Variants in CHST12 observed in about 807,000 individuals in gnomAD.
The protein encoded by CHST12 is carbohydrate (chondroitin 4) sulfotransferase 12.
In CHST12, 23 loss-of-function variants were observed where a neutral mutation model predicts 27.9. The observed-to-expected ratio is 0.82, with a 90% CI of 0.59 to 1.17. The LOEUF (loss-of-function observed/expected upper bound fraction) is 1.17. CHST12 is among the 50% of genes most tolerant of loss of function. The pLI, the probability that CHST12 is intolerant of heterozygous loss-of-function variation, is 0.00. For missense variants in CHST12, 682 were observed against 603.0 expected, an observed-to-expected ratio of 1.13 and a Z score of -1.37; for synonymous variants, 322 against 273.0, an observed-to-expected ratio of 1.18 and a Z score of -1.77.
Position 2,444,391 on chromosome 7 carries a change from G to C in CHST12, c.*10507G>C, listed in dbSNP as rs1343758057. On this transcript the variant is annotated 3_prime_UTR_variant, in exon 2 of 2. Transcript: ENST00000618655. Reference sequence around the variant, plus strand: ...TGAGGCATGAGATTCGCTTGAGCCTGGGAGGCAGAGGTTGCAGTGAGCTGA... The same window carrying C: ...TGAGGCATGAGATTCGCTTGAGCCTCGGAGGCAGAGGTTGCAGTGAGCTGA... The C allele has an allele frequency of 6.6e-6, 1 of 152,384 alleles. No individual in the cohort carries two copies. Among genetic ancestry groups the C allele is most frequent in the Non-Finnish European group, 1.5e-5 (1 of 68,190 alleles). The allele number at this position is 152,384 out of a possible 1,614,324, so 9.4% of individuals were successfully genotyped here.
chr7:2,438,025 C>G lies in CHST12; in HGVS notation c.*4141C>G, dbSNP rs1782514200. On this transcript the variant is annotated 3_prime_UTR_variant, in exon 2 of 2. Coordinates refer to ENST00000618655, the MANE Select transcript of CHST12 (RefSeq NM_018641.5). ...ACACGGATGGGAGCAGCCATCTGAG[C>G]TGGAAGCTGTGGACATGGTCCTTGT... is the stretch of plus-strand genomic sequence containing the variant. 1 of 152,328 alleles carries G rather than the reference C, an allele frequency of 6.6e-6. No individual in the cohort carries two copies. The highest frequency in any genetic ancestry group is 2.1e-4 in the South Asian group (1 of 4,842). 9.4% of individuals were successfully genotyped at this position (152,328 alleles called of 1,614,324 possible). A position where few individuals can be genotyped will look rare whatever the true frequency, so the allele number is the denominator to read the frequency against.
chr7:2,424,326 C>T (rs1782050542), intron 1 of CHST12, among the ~76,000 whole-genome samples: 2 of 151,818 alleles, frequency 1.3e-5, no homozygotes, highest in Non-Finnish European at 2.9e-5. Flanking sequence ...AGGGTGAGAC[C>T]CTGACTCTAA....
In CHST12 at chr7:2,445,669, A is replaced by T. The variant is rs1782735293; in HGVS notation, c.*11785A>T. 6.6e-6 allele frequency: 1 copy of T among 152,082 alleles called. No homozygotes were observed. The highest frequency in any genetic ancestry group is 2.1e-4 in the South Asian group (1 of 4,826). The allele number at this position is 152,082 out of a possible 1,614,324, so 9.4% of individuals were successfully genotyped here. A position where few individuals can be genotyped will look rare whatever the true frequency, so the allele number is the denominator to read the frequency against. On this transcript the variant is annotated 3_prime_UTR_variant, in exon 2 of 2. Coordinates refer to ENST00000618655, the MANE Select transcript of CHST12 (RefSeq NM_018641.5). ...CCGGTCTCGAACTCCTGACCTCGTG[A>T]TCTGCCCACGTTGGCCTCCAAAGTG... is the stretch of plus-strand genomic sequence containing the variant.
chr7:2,413,406 C>T (rs1212533502), intron 1 of CHST12, among the ~76,000 whole-genome samples: 5 of 152,228 alleles, frequency 3.3e-5, no homozygotes, highest in African/African-American at 1.2e-4. Flanking sequence ...GTATGATTTA[C>T]ATGCAATAAA....
intron 1 of CHST12, among the ~76,000 whole-genome samples, chr7:2,430,474 C>T (rs1258523702): frequency 1.3e-5 from 2 of 152,190 alleles, no homozygotes; most frequent in Non-Finnish European, 2.9e-5. Context: ...TGCCACCATG[C>T]CCAGCTAATT....
At chr7:2,404,995 G>A (rs1372347998) in intron 1 of CHST12, among the ~76,000 whole-genome samples, 1 of 150,854 alleles carries the variant, frequency 6.6e-6, no homozygotes, top group Non-Finnish European at 1.5e-5. Context: ...AGAATGTGGC[G>A]ACATTTTCCG....
At position 2,428,901 on chromosome 7, in the gene CHST12, C is replaced by T. The variant is rs193098313; in HGVS notation, c.-77-3662C>T. On this transcript the variant is annotated intron_variant, in intron 1 of 1. Transcript: ENST00000618655. ...TTCTCAGAAGGGAGTATGCCTTAAC[C>T]CTAAAGAGGCCTAGAAGAGCCGTGG... Among the ~76,000 whole-genome samples the T allele has an allele frequency of 6.4e-3, 969 of 152,184 alleles. 8 individuals are homozygous for T. The highest frequency in any genetic ancestry group is 0.022 in the African/African-American group (917 of 41,524).
At chr7:2,410,785 C>T (rs529232208) in intron 1 of CHST12, among the ~76,000 whole-genome samples, 188 of 151,922 alleles carry the variant, frequency 1.2e-3, no homozygotes, top group African/African-American at 4.3e-3. Flanking sequence ...AGAGGGTCGC[C>T]GAGGGGGACT....
chr7:2,433,450 G>A lies in CHST12; in HGVS notation c.811G>A (p.Ala271Thr), dbSNP rs770409799. 2.0e-5 allele frequency: 32 copies of A among 1,609,988 alleles called. No homozygotes were observed. The highest frequency in any genetic ancestry group is 2.3e-5 in the Non-Finnish European group (27 of 1,179,920). The change falls in exon 2 of 2, where the codon GCC becomes ACC. Residue 271 changes from alanine (A) to threonine (T), a missense_variant. Ala to Thr is a moderately conservative substitution (Grantham distance 58). Coordinates refer to ENST00000618655, the MANE Select transcript of CHST12 (RefSeq NM_018641.5). The surrounding 1 kb of genome is among the most constrained non-coding windows in gnomAD (Gnocchi z 6.1). The part of the protein sequence containing the change: ...LENEEFYRKF[A>T]VPMLRLYANH... The stretch of plus-strand genomic sequence containing the variant: ...GAACGAGGAGTTCTACCGCAAGTTC[G>A]CCGTGCCCATGCTGCGGCTGTACGC...
chr7:2,412,289 T>C (rs1781687617), intron 1 of CHST12, among the ~76,000 whole-genome samples: 1 of 152,004 alleles, frequency 6.6e-6, no homozygotes. Context: ...CGATGGAGGT[T>C]TTAATGTAGT....
intron 1 of CHST12, among the ~76,000 whole-genome samples, chr7:2,413,759 C>A (rs1284671366): frequency 2.2e-5 from 3 of 136,364 alleles, no homozygotes; most frequent in Admixed American, 7.9e-5. Flanking sequence ...GACAGAGTCT[C>A]CCTCTGTCGC....
At position 2,432,690 on chromosome 7, in the gene CHST12, C is replaced by G; in HGVS notation, c.51C>G (p.Phe17Leu). 3.1e-6 allele frequency: 5 copies of G among 1,613,652 alleles called. No homozygotes were observed. Among genetic ancestry groups the G allele is most frequent in the Non-Finnish European group, 4.2e-6 (5 of 1,179,716 alleles). The change falls in exon 2 of 2, where the codon TTC becomes TTG. Residue 17 changes from phenylalanine (F) to leucine (L), a missense_variant. Physicochemically the swap from Phe to Leu is conservative, Grantham distance 22. Coordinates refer to ENST00000618655, the MANE Select transcript of CHST12 (RefSeq NM_018641.5). The part of the protein sequence containing the change: ...FRLWLVLGSV[F>L]MILLIIVYWD... ...TGTGGCTGGTGCTGGGGTCGGTGTTCATGATCCTGCTGATCATCGTGTACT... is the reference window on the plus strand; with the variant it reads ...TGTGGCTGGTGCTGGGGTCGGTGTTGATGATCCTGCTGATCATCGTGTACT...
chr7:2,439,422 T>C lies in CHST12; in HGVS notation c.*5538T>C, dbSNP rs1782548630. On this transcript the variant is annotated 3_prime_UTR_variant, in exon 2 of 2. Coordinates refer to ENST00000618655, the MANE Select transcript of CHST12 (RefSeq NM_018641.5). ...TCCCCTTTGGAAATAATTTGTTCTT[T>C]TTTTTTTTTGACAGAGTTTCTTTCT... 6.6e-6 allele frequency: 1 copy of C among 151,818 alleles called. No individual in the cohort carries two copies. Among genetic ancestry groups the C allele is most frequent in the Admixed American group, 6.6e-5 (1 of 15,264 alleles). The allele number at this position is 151,818 out of a possible 1,614,324, so 9.4% of individuals were successfully genotyped here.
intron 1 of CHST12, among the ~76,000 whole-genome samples, chr7:2,421,478 C>G (rs1410177992): frequency 6.7e-6 from 1 of 150,370 alleles, no homozygotes; most frequent in Non-Finnish European, 1.5e-5. Flanking sequence ...GCTCTGTTGC[C>G]CAGGCTAGAG....
intron 1 of CHST12, 111 bp downstream of exon 1, chr7:2,403,784 T>G (rs1781447722): frequency 6.6e-6 from 1 of 151,792 alleles, no homozygotes; most frequent in South Asian, 1.8e-4. Flanking sequence ...GGGGCGCGGG[T>G]CGGCTCTCCT....
intron 1 of CHST12, among the ~76,000 whole-genome samples, chr7:2,418,401 A>G (rs1160225493): frequency 6.6e-6 from 1 of 152,278 alleles, no homozygotes; most frequent in Middle Eastern, 3.4e-3. Flanking sequence ...TCTAGGTGAA[A>G]CTTTGCTCTG....
At chr7:2,417,127 C>T (rs902864647) in intron 1 of CHST12, among the ~76,000 whole-genome samples, 1 of 152,018 alleles carries the variant, frequency 6.6e-6, no homozygotes, top group Admixed American at 6.6e-5. Flanking sequence ...CCCTGGAGAG[C>T]CAATGGTATG....
chr7:2,431,585 C>T (rs1583224947), intron 1 of CHST12, among the ~76,000 whole-genome samples: 1 of 152,330 alleles, frequency 6.6e-6, no homozygotes, highest in East Asian at 1.9e-4. Context: ...CTGGACCACA[C>T]TGACAGTACC....
At chr7:2,405,533 C>T (rs1203577858) in intron 1 of CHST12, among the ~76,000 whole-genome samples, 1 of 151,932 alleles carries the variant, frequency 6.6e-6, no homozygotes, top group Non-Finnish European at 1.5e-5. Context: ...GGGTGCGACG[C>T]GATTAGATGT....
Sources: gnomAD v4.1 joint callset for allele counts (sites outside exome capture counted in the v4.1 genomes callset) on GRCh38, gnomAD v4.1.1 for gene constraint, Gnocchi (gnomAD v3.1) non-coding constraint, MANE v1.5 for transcripts, NCBI Gene and HGNC (gene_info 2026-07-23, HGNC 2026-07-21) for gene names.